The following APOO variants were observed in gnomAD, a reference collection of about 807,000 sequenced individuals.
APOO encodes the protein MICOS complex subunit MIC26.
In APOO, 11 loss-of-function variants were observed where a neutral mutation model predicts 23.1. That is an observed-to-expected ratio of 0.48 (90% confidence interval 0.30 to 0.79). The LOEUF (loss-of-function observed/expected upper bound fraction) is 0.79, where lower values mean the gene tolerates loss of function less well. APOO is among the 30% of genes least tolerant of loss of function. The pLI, the probability that APOO is intolerant of heterozygous loss-of-function variation, is 0.07. For missense variants in APOO, 160 were observed against 142.7 expected (o/e 1.12, Z -0.62); for synonymous variants, 59 against 54.8 (o/e 1.08, Z -0.34).
chrX:23,862,799 G>C (rs1199003483), intron 5 of APOO, among the ~76,000 whole-genome samples: 4 of 90,490 alleles, frequency 4.4e-5, no homozygotes, highest in Non-Finnish European at 8.7e-5. Flanking sequence ...GAGAAGAGAA[G>C]AGAAAGGGAC....
intron 5 of APOO, among the ~76,000 whole-genome samples, chrX:23,859,329 T>C (rs1482964819): frequency 1.8e-5 from 2 of 111,765 alleles, no homozygotes; most frequent in Non-Finnish European, 3.8e-5. Flanking sequence ...TAGAGCTTTT[T>C]CATAATCACT....
At chrX:23,865,244 T>C (rs756333144) in intron 5 of APOO, among the ~76,000 whole-genome samples, 23 of 111,033 alleles carry the variant, frequency 2.1e-4, no homozygotes, top group African/African-American at 6.9e-4. Flanking sequence ...TGAGAGCCTC[T>C]TGTCACCACC....
In APOO at chrX:23,858,679, G is replaced by T. The variant is rs373225462; in HGVS notation, c.443C>A (p.Ser148Tyr). 2.9e-5 allele frequency: 35 copies of T among 1,209,712 alleles called. No homozygotes were observed. The highest frequency in any genetic ancestry group is 4.4e-5 in the Admixed American group (2 of 45,596). The change falls in exon 6 of 9, where the codon TCC becomes TAC. Residue 148 changes from serine (S) to tyrosine (Y), a missense_variant. By Grantham distance (144) the Ser-to-Tyr change is moderately radical. Coordinates refer to ENST00000379226, the MANE Select transcript of APOO (RefSeq NM_024122.5). ...GATGGCTTGTTGTGGATAATAGAGG[G>T]AGGCAGCTAATCCCATGAAACCAGG... ...YPPGFMGLAA[S>Y]LYYPQQAIVF...
intron 1 of APOO, among the ~76,000 whole-genome samples, chrX:23,902,215 C>T (rs1273395789): frequency 5.4e-5 from 6 of 111,881 alleles, no homozygotes; most frequent in African/African-American, 1.9e-4. Context: ...CCCACTGCAT[C>T]GTTAACGGAC....
chrX:23,858,799 A>G, intron 5 of APOO, 66 bp from the exon 6 acceptor site: 1 of 1,011,731 alleles, frequency 9.9e-7, no homozygotes. Context: ...AATTTACCTT[A>G]TCCATTTAAT....
intron 4 of APOO, among the ~76,000 whole-genome samples, chrX:23,872,241 C>T (rs1430810730): frequency 1.8e-5 from 2 of 110,729 alleles, no homozygotes; most frequent in Middle Eastern, 4.6e-3. Context: ...CCTGCCTCTA[C>T]AAAAAGTGGA....
intron 1 of APOO, among the ~76,000 whole-genome samples, chrX:23,901,298 G>T (rs1456799205): frequency 9.0e-6 from 1 of 111,707 alleles, no homozygotes; most frequent in Non-Finnish European, 1.9e-5. Flanking sequence ...TCTTGCCCTG[G>T]AGGCTTCAGT....
intron 3 of APOO, among the ~76,000 whole-genome samples, chrX:23,874,795 A>G (rs1454511822): frequency 8.9e-6 from 1 of 112,040 alleles, no homozygotes; most frequent in Non-Finnish European, 1.9e-5. Context: ...GCTTTTCTCC[A>G]TGAGATTAAA....
chrX:23,870,710 G>C (rs1319527192), intron 4 of APOO, among the ~76,000 whole-genome samples: 1 of 109,773 alleles, frequency 9.1e-6, no homozygotes, highest in African/African-American at 3.3e-5. Flanking sequence ...AGGATTGCTT[G>C]AGTCCAGGAA....
At chrX:23,885,171 G>C (rs1045232704) in intron 1 of APOO, among the ~76,000 whole-genome samples, 6 of 108,588 alleles carry the variant, frequency 5.5e-5, no homozygotes, top group Non-Finnish European at 1.1e-4. Flanking sequence ...GGCCGAGGTG[G>C]GTGGATCACC....
At chrX:23,904,012 T>G (rs1211854456) in intron 1 of APOO, among the ~76,000 whole-genome samples, 2 of 111,625 alleles carry the variant, frequency 1.8e-5, no homozygotes, top group African/African-American at 6.5e-5. Context: ...CAACCCAGGT[T>G]AATCTACCCT....
At chrX:23,892,358 G>A (rs1044968941) in intron 1 of APOO, among the ~76,000 whole-genome samples, 1 of 109,081 alleles carries the variant, frequency 9.2e-6, no homozygotes, top group African/African-American at 3.3e-5. Flanking sequence ...GGATTCAAGC[G>A]ATTCTCCTGC....
chrX:23,869,616 G>C, intron 4 of APOO, among the ~76,000 whole-genome samples: 1 of 77,497 alleles, frequency 1.3e-5, no homozygotes, highest in East Asian at 4.8e-4. Context: ...CTGAGCCACA[G>C]AGCAAGACAC....
chrX:23,836,909 G>C lies in APOO; in HGVS notation c.*30-3297C>G, dbSNP rs1923706745. ...AGGATTAATTCATCTTTCTGGGCTTGAGATACTGAACAAGCAACACCTGGT... is the reference window on the plus strand; with the variant it reads ...AGGATTAATTCATCTTTCTGGGCTTCAGATACTGAACAAGCAACACCTGGT... On this transcript the variant is annotated intron_variant, in intron 8 of 8. Coordinates refer to ENST00000379226, the MANE Select transcript of APOO (RefSeq NM_024122.5). The C allele has an allele frequency of 6.2e-6, 7 of 1,122,090 alleles. No individual in the cohort carries two copies. The East Asian group carries it at 2.2e-4, about 35-fold the overall frequency. 92.5% of individuals were successfully genotyped at this position (1,122,090 alleles called of 1,213,427 possible). A position where few individuals can be genotyped will look rare whatever the true frequency, so the allele number is the denominator to read the frequency against.
At chrX:23,881,620 G>A (rs1211939439) in intron 1 of APOO, among the ~76,000 whole-genome samples, 11 of 93,735 alleles carry the variant, frequency 1.2e-4, no homozygotes, top group African/African-American at 4.3e-4. Context: ...GGAGAGTTAT[G>A]GTTTATTAAT....
At chrX:23,868,910 CT>C (rs376256040) in intron 4 of APOO, among the ~76,000 whole-genome samples, 435 of 97,953 alleles carry the variant, frequency 4.4e-3, no homozygotes, top group African/African-American at 0.01. Context: ...TCTTTTCTTT[CT>C]TTTTTTTTTT....
Position 23,878,906 on chromosome X carries a change from C to T in APOO, c.237+9G>A. The T allele has an allele frequency of 8.3e-7, 1 of 1,207,900 alleles. No individual in the cohort carries two copies. Among genetic ancestry groups the T allele is most frequent in the Non-Finnish European group, 1.1e-6 (1 of 892,995 alleles). On this transcript the variant is annotated intron_variant, in intron 3 of 8. Transcript: ENST00000379226. ...AAATGCGTTCACTCCATTTTCAGAA[C>T]AGTTGTACCTGACACCAGGTTGTGT...
At chrX:23,907,389 G>A (rs905453485) in intron 1 of APOO, among the ~76,000 whole-genome samples, 1 of 112,214 alleles carries the variant, frequency 8.9e-6, no homozygotes, top group African/African-American at 3.2e-5. Flanking sequence ...TCCCAAGAGG[G>A]TACTAGCCGA....
intron 1 of APOO, among the ~76,000 whole-genome samples, chrX:23,883,066 G>A (rs753810207): frequency 1.9e-4 from 21 of 111,175 alleles, no homozygotes; most frequent in Non-Finnish European, 4.0e-4. Context: ...GCAACAGAGC[G>A]AGACCCTGTC....
Sources: allele counts gnomAD v4.1 joint callset (sites outside exome capture counted in the v4.1 genomes callset), GRCh38; gene constraint gnomAD v4.1.1; transcripts MANE v1.5; gene names NCBI Gene and HGNC (gene_info 2026-07-23, HGNC 2026-07-21).